PAPSS2: variants seen among roughly 807,000 people sequenced by gnomAD.
PAPSS2 encodes bifunctional 3'-phosphoadenosine 5'-phosphosulfate synthase 2.
Under a neutral mutation model 66.5 loss-of-function variants are expected in PAPSS2, and 61 were observed. The observed-to-expected ratio is 0.92, with a 90% CI of 0.75 to 1.14. PAPSS2 has a LOEUF of 1.14. Among genes scored for constraint, PAPSS2 ranks in the 50% most tolerant of loss-of-function variants. The pLI, the probability that PAPSS2 is intolerant of heterozygous loss-of-function variation, is 0.00. For missense variants in PAPSS2, 708 were observed against 789.6 expected, an observed-to-expected ratio of 0.90 and a Z score of 1.24; for synonymous variants, 289 against 287.5, an observed-to-expected ratio of 1.01 and a Z score of -0.05.
At chr10:87,699,779 C>T (rs111244277) in intron 1 of PAPSS2, among the ~76,000 whole-genome samples, 1,427 of 142,308 alleles carry the variant, frequency 0.01, 31 homozygotes, top group African/African-American at 0.036. Flanking sequence ...GAACCCGGGA[C>T]GCAGAGGTTT....
chr10:87,741,284 T>C lies in PAPSS2; in HGVS notation c.1136T>C (p.Leu379Pro), dbSNP rs1421910378. 6 of 1,613,712 alleles carry C rather than the reference T, an allele frequency of 3.7e-6. No individual in the cohort carries two copies. Among genetic ancestry groups the C allele is most frequent in the East Asian group, 2.2e-5 (1 of 44,882 alleles). Residue 379 changes from leucine to proline, a missense_variant, in exon 10 of 13, where the codon CTG (leucine) becomes CCG (proline). Leu to Pro is a moderately conservative substitution (Grantham distance 98). Coordinates refer to ENST00000456849, the MANE Select transcript of PAPSS2 (RefSeq NM_001015880.2). ...CTGGTTGGTGGAGACCTTCAGGTGC[T>C]GGAGAAAATAAGATGGAATGATGGG... ...DWLVGGDLQV[L>P]EKIRWNDGLD... is the part of the protein sequence containing the mutation.
At chr10:87,693,056 A>G (rs1853190484) in intron 1 of PAPSS2, among the ~76,000 whole-genome samples, 1 of 152,232 alleles carries the variant, frequency 6.6e-6, no homozygotes, top group Non-Finnish European at 1.5e-5. Context: ...GTAAGTCTCT[A>G]GAAAGGCGTT....
rs1205354477 is a variant in PAPSS2, at chr10:87,659,979, A to G, written c.-3A>G. On this transcript the variant is annotated 5_prime_UTR_variant, in exon 1 of 13. Transcript: ENST00000456849. ...GACCCGGGCTCCGCCGCAGCCAGCCAGCATGTCGGGGATCAAGAAGCAAAA... is the reference window on the plus strand; with the variant it reads ...GACCCGGGCTCCGCCGCAGCCAGCCGGCATGTCGGGGATCAAGAAGCAAAA... The G allele has an allele frequency of 6.2e-7, 1 of 1,613,194 alleles. No homozygotes were observed. Among genetic ancestry groups the G allele is most frequent in the South Asian group, 1.1e-5 (1 of 90,984 alleles).
rs1308838491 is a variant in PAPSS2, at chr10:87,747,400, A to G, written c.*1430A>G. 6.6e-6 allele frequency: 1 copy of G among 152,210 alleles called. No homozygotes were observed. Among genetic ancestry groups the G allele is most frequent in the Non-Finnish European group, 1.5e-5 (1 of 68,032 alleles). The allele number at this position is 152,210 out of a possible 1,614,324, so 9.4% of individuals were successfully genotyped here. A position where few individuals can be genotyped will look rare whatever the true frequency, so the allele number is the denominator to read the frequency against. On this transcript the variant is annotated 3_prime_UTR_variant, in exon 13 of 13. Coordinates refer to ENST00000456849, the MANE Select transcript of PAPSS2 (RefSeq NM_001015880.2). ...AATTTTCATATTCTCATTCTTAAAAAACACTAATCTTAACTAACAAAAGTT... is the reference window on the plus strand; with the variant it reads ...AATTTTCATATTCTCATTCTTAAAAGACACTAATCTTAACTAACAAAAGTT...
At chr10:87,733,625 A>G (rs1230135498) in intron 9 of PAPSS2, among the ~76,000 whole-genome samples, 1 of 152,102 alleles carries the variant, frequency 6.6e-6, no homozygotes, top group Non-Finnish European at 1.5e-5. Context: ...CAAATCACCC[A>G]TGACTGGATC....
chr10:87,694,100 C>T (rs1314705819), intron 1 of PAPSS2, among the ~76,000 whole-genome samples: 1 of 152,222 alleles, frequency 6.6e-6, no homozygotes, highest in East Asian at 1.9e-4. Flanking sequence ...TCCACATCAT[C>T]TCTTTTCATC....
At chr10:87,722,501 G>T (rs559444047) in intron 8 of PAPSS2, among the ~76,000 whole-genome samples, 1 of 152,170 alleles carries the variant, frequency 6.6e-6, no homozygotes, top group Non-Finnish European at 1.5e-5. Flanking sequence ...AACACAGAAG[G>T]CTTGAAAATT....
intron 7 of PAPSS2, among the ~76,000 whole-genome samples, chr10:87,718,623 G>A (rs1213605078): frequency 6.6e-6 from 1 of 152,204 alleles, no homozygotes; most frequent in Non-Finnish European, 1.5e-5. Context: ...TGTGCCACTT[G>A]CTGTGTGATT....
chr10:87,693,743 A>G (rs1853199333), intron 1 of PAPSS2, among the ~76,000 whole-genome samples: 1 of 152,268 alleles, frequency 6.6e-6, no homozygotes, highest in Non-Finnish European at 1.5e-5. Flanking sequence ...CACCAGAACT[A>G]TAATTACAAC....
intron 1 of PAPSS2, among the ~76,000 whole-genome samples, chr10:87,679,910 C>G (rs1169393015): frequency 1.3e-5 from 2 of 151,648 alleles, no homozygotes; most frequent in African/African-American, 4.9e-5. Context: ...CCTGTAGTCC[C>G]AGGTACTTGG....
chr10:87,727,226 C>T, intron 8 of PAPSS2, 58 bp from the exon 9 acceptor site: 1 of 1,428,284 alleles, frequency 7.0e-7, no homozygotes, highest in South Asian at 1.1e-5. Flanking sequence ...TTGATTCATG[C>T]TTCAAGGATG....
intron 9 of PAPSS2, among the ~76,000 whole-genome samples, chr10:87,738,345 G>A (rs1853825396): frequency 6.6e-6 from 1 of 152,108 alleles, no homozygotes; most frequent in South Asian, 2.1e-4. Context: ...CAGTGTACAA[G>A]GGTTCCAATT....
At chr10:87,720,031 G>A (rs1361805218) in intron 7 of PAPSS2, among the ~76,000 whole-genome samples, 8 of 152,008 alleles carry the variant, frequency 5.3e-5, no homozygotes, top group African/African-American at 9.6e-5. Flanking sequence ...GACTACAGGC[G>A]CTTGCCACGA....
rs754892413 is a variant in PAPSS2, at chr10:87,714,849, C to A, written c.625C>A (p.Leu209Ile). ...VSDCVHQVVE[L>I]LQEQNIVPYT... ...TGACTGTGTCCACCAGGTAGTGGAA[C>A]TTCTGCAAGAGCAGGTAGGTGAACC... The change falls in exon 5 of 13, where the codon CTT becomes ATT. Residue 209 changes from leucine to isoleucine, a missense_variant. By Grantham distance (5) the Leu-to-Ile change is conservative. Coordinates refer to ENST00000456849, the MANE Select transcript of PAPSS2 (RefSeq NM_001015880.2). The A allele has an allele frequency of 2.5e-6, 4 of 1,604,838 alleles. No individual in the cohort carries two copies. In the East Asian group the frequency reaches 8.9e-5, roughly 36 times the overall value.
chr10:87,737,094 AC>A (rs2131727110), intron 9 of PAPSS2, among the ~76,000 whole-genome samples: 1 of 152,260 alleles, frequency 6.6e-6, no homozygotes, highest in Admixed American at 6.5e-5. Context: ...AGTTCTGGGT[AC>A]CCTGATTATG....
Position 87,747,189 on chromosome 10 carries a change from A to T in PAPSS2, c.*1219A>T, listed in dbSNP as rs1339444652. 1 of 152,154 alleles carries T rather than the reference A, an allele frequency of 6.6e-6. No homozygotes were observed. Among genetic ancestry groups the T allele is most frequent in the Non-Finnish European group, 1.5e-5 (1 of 68,028 alleles). The allele number at this position is 152,154 out of a possible 1,614,324, so 9.4% of individuals were successfully genotyped here. On this transcript the variant is annotated 3_prime_UTR_variant, in exon 13 of 13. Transcript: ENST00000456849. ...CACTGATTTTATTGCAGTTGAAAAA[A>T]AAAAAAAGCTATTCCAAAGATTTCA...
chr10:87,661,665 C>T (rs1852754440), intron 1 of PAPSS2, among the ~76,000 whole-genome samples: 1 of 152,120 alleles, frequency 6.6e-6, no homozygotes, highest in Non-Finnish European at 1.5e-5. Context: ...AGAACAGGGT[C>T]ATTACAAATC....
intron 1 of PAPSS2, among the ~76,000 whole-genome samples, chr10:87,708,350 C>T (rs1853418083): frequency 6.6e-6 from 1 of 152,150 alleles, no homozygotes. Flanking sequence ...AAAGTGGAAA[C>T]AGTTTAGTTC....
chr10:87,711,845 CT>C lies in PAPSS2; in HGVS notation c.146-1224del, dbSNP rs534314478. On this transcript the variant is annotated intron_variant, in intron 2 of 12. Transcript: ENST00000456849. ...TGTCTTCTCTGTATGAACCTCTTGGCTTTTTTCCTCTGTCATGCCAAGGTGC... is the reference window on the plus strand; with the variant it reads ...TGTCTTCTCTGTATGAACCTCTTGGCTTTTTCCTCTGTCATGCCAAGGTGC... Among the ~76,000 whole-genome samples, 672 of 152,048 alleles carry C rather than the reference CT, an allele frequency of 4.4e-3. 4 individuals carry two copies. The highest frequency in any genetic ancestry group is 0.016 in the African/African-American group (649 of 41,446).
Sources: gnomAD v4.1 joint callset for allele counts (sites outside exome capture counted in the v4.1 genomes callset) on GRCh38, gnomAD v4.1.1 for gene constraint, MANE v1.5 for transcripts, NCBI Gene and HGNC (gene_info 2026-07-23, HGNC 2026-07-21) for gene names.